Variants in SLC49A3 observed in about 807,000 individuals in gnomAD.
SLC49A3 encodes solute carrier family 49 member A3.
Under a neutral mutation model 43.8 loss-of-function variants are expected in SLC49A3, and 50 were observed. The observed-to-expected ratio is 1.14, with a 90% CI of 0.91 to 1.45. The LOEUF (loss-of-function observed/expected upper bound fraction) is 1.45, where lower values mean the gene tolerates loss of function less well. Ranked by LOEUF, SLC49A3 falls within the 40% of genes most tolerant of loss-of-function variation. SLC49A3 has a pLI of 0.00. For missense variants in SLC49A3, 906 were observed against 774.1 expected, an observed-to-expected ratio of 1.17 and a Z score of -2.02; for synonymous variants, 413 against 352.0, an observed-to-expected ratio of 1.17 and a Z score of -1.94.
intron 1 of SLC49A3, 100 bp downstream of exon 1, chr4:688,893 C>T: frequency 4.8e-6 from 7 of 1,450,226 alleles, no homozygotes; most frequent in Non-Finnish European, 6.3e-6. Context: ...CGCCCCCAGC[C>T]AGCACCTGGC....
At chr4:690,215 A>ATTTT (rs34714607), upstream of SLC49A3, among the ~76,000 whole-genome samples, 1 of 144,712 alleles carries the variant, frequency 6.9e-6, no homozygotes, top group Non-Finnish European at 1.5e-5. Context: ...CCACTTTGGG[A>ATTTT]TTTTTTTTTT....
At chr4:681,640 GCCCCGCC>G (rs2109368822), downstream of SLC49A3, among the ~76,000 whole-genome samples, 1 of 9,004 alleles carries the variant, frequency 1.1e-4, no homozygotes, top group East Asian at 3.8e-3. Context: ...CTCCAGCGCC[GCCCCGCC>G]CCCTCCAGCG....
chr4:681,237 C>G (rs1275034994), downstream of SLC49A3: 1 of 1,442,722 alleles, frequency 6.9e-7, no homozygotes, highest in African/African-American at 1.4e-5. Flanking sequence ...GGAGCAGCGC[C>G]GCGGTTAGGA....
intron 6 of SLC49A3, 109 bp downstream of exon 6, chr4:684,374 G>A (rs1440258572): frequency 2.1e-6 from 3 of 1,461,866 alleles, no homozygotes; most frequent in African/African-American, 2.8e-5. Context: ...GGGTGTCAAT[G>A]TGGCCCCCGC....
intron 4 of SLC49A3, 137 bp from the exon 5 acceptor site, chr4:684,993 T>A: frequency 7.9e-7 from 1 of 1,266,900 alleles, no homozygotes; most frequent in African/African-American, 1.5e-5. Flanking sequence ...GGTCTGCAGC[T>A]GCCCTTTGCG....
chr4:677,990 G>A (rs368446750), downstream of SLC49A3: 18 of 1,613,358 alleles, frequency 1.1e-5, no homozygotes, highest in African/African-American at 1.2e-4. Flanking sequence ...AAGACCTGGG[G>A]CCCTGGGCAG....
rs1001479383 is a variant in SLC49A3 at position 686,035 on chromosome 4, C to G, written c.508+54G>C. Reference sequence around the variant, plus strand: ...CCAGAGAGCCTGGGGAGCCGAGCGTCTGTGTGGACCCTGAGGTGAGCCCAG... The same window carrying G: ...CCAGAGAGCCTGGGGAGCCGAGCGTGTGTGTGGACCCTGAGGTGAGCCCAG... On this transcript the variant is annotated intron_variant, in intron 3 of 9. Transcript: ENST00000322224. 3 of 1,608,430 alleles carry G rather than the reference C, an allele frequency of 1.9e-6. No individual in the cohort carries two copies. The Admixed American group carries it at 5.0e-5, about 27-fold the overall frequency.
intron 2 of SLC49A3, 23 bp from the exon 3 acceptor site, chr4:686,325 C>T (rs1226924008): frequency 3.7e-6 from 6 of 1,610,924 alleles, no homozygotes; most frequent in East Asian, 2.2e-5. Flanking sequence ...GGTCGGGGAC[C>T]GGGTCAGGAA....
intron 1 of SLC49A3, 130 bp from the exon 2 acceptor site, chr4:686,820 C>A: frequency 1.7e-6 from 2 of 1,195,490 alleles, no homozygotes; most frequent in South Asian, 3.0e-5. Flanking sequence ...GAGCTGGACA[C>A]GGGGCCTTCC....
intron 7 of SLC49A3, 42 bp downstream of exon 7, chr4:683,567 A>G: frequency 9.9e-7 from 1 of 1,006,728 alleles, no homozygotes; most frequent in Non-Finnish European, 1.4e-6. Flanking sequence ...CTCACCACCC[A>G]CCCACCCCCA....
At chr4:687,621 C>G (rs534333287) in intron 1 of SLC49A3, among the ~76,000 whole-genome samples, 1 of 152,366 alleles carries the variant, frequency 6.6e-6, no homozygotes, top group African/African-American at 2.4e-5. Context: ...GGGCCCACAG[C>G]TGACTCACTG....
At position 682,773 on chromosome 4, in the gene SLC49A3, A is replaced by C; in HGVS notation, c.1261+8T>G. The stretch of plus-strand genomic sequence containing the variant: ...CTGTTCCCTGGGGACTCCCCATGTG[A>C]GGCTCACCTGTCCAGTCAAGTGGAT... On this transcript the variant is annotated splice_region_variant and intron_variant, in intron 9 of 9. Coordinates refer to ENST00000322224, the MANE Select transcript of SLC49A3 (RefSeq NM_032219.4). The C allele has an allele frequency of 1.3e-6, 2 of 1,560,222 alleles. No homozygotes were observed. Among genetic ancestry groups the C allele is most frequent in the Middle Eastern group, 1.7e-4 (1 of 5,928 alleles).
chr4:683,460 A>G, intron 7 of SLC49A3, 93 bp from the exon 8 acceptor site: 1 of 1,509,242 alleles, frequency 6.6e-7, no homozygotes, highest in Non-Finnish European at 8.9e-7. Context: ...GGGCAGGAGA[A>G]CCCATCCCAC....
At chr4:678,534 G>A, downstream of SLC49A3, 1 of 1,462,826 alleles carries the variant, frequency 6.8e-7, no homozygotes, top group African/African-American at 1.4e-5. Context: ...CAGCTGTCTG[G>A]CCCCCTCCAG....
chr4:682,520 C>T, intron 9 of SLC49A3, 144 bp from the exon 10 acceptor site: 1 of 940,448 alleles, frequency 1.1e-6, no homozygotes, highest in Non-Finnish European at 1.4e-6. Context: ...TCTTGACAGC[C>T]CTGAGGGGGT....
downstream of SLC49A3, among the ~76,000 whole-genome samples, chr4:679,595 G>T (rs1336933481): frequency 6.6e-6 from 1 of 152,166 alleles, no homozygotes; most frequent in Admixed American, 6.5e-5. Flanking sequence ...TTCTCCTTGG[G>T]GTGGGAGGGT....
chr4:680,570 G>GA, downstream of SLC49A3: 1 of 1,613,410 alleles, frequency 6.2e-7, no homozygotes, highest in South Asian at 1.1e-5. Flanking sequence ...ACGGGAAAGG[G>GA]AAAATCAACA....
Position 686,111 on chromosome 4 carries a change from C to G in SLC49A3, c.486G>C (p.Thr162=), listed in dbSNP as rs769705152. The change falls in exon 3 of 10, where the codon ACG becomes ACC. Residue 162 remains threonine (T), a synonymous_variant. Coordinates refer to ENST00000322224, the MANE Select transcript of SLC49A3 (RefSeq NM_032219.4). ...CACACATGGTGGCGAGCATGTTGGC[C>G]GTGGCTCGCTGGTGCTCTGGGAACC... ...ALWFPEHQRA[T]ANMLATMSNP... is the part of the protein sequence containing the mutation. 8 of 1,612,938 alleles carry G rather than the reference C, an allele frequency of 5.0e-6. No individual in the cohort carries two copies. In the East Asian group the frequency reaches 1.1e-4, roughly 22 times the overall value.
chr4:678,216 G>A, downstream of SLC49A3: 1 of 1,505,150 alleles, frequency 6.6e-7, no homozygotes, highest in Non-Finnish European at 8.9e-7. Context: ...CCTTGCGGGT[G>A]TGGGCTGTGC....
Sources: allele counts gnomAD v4.1 joint callset (sites outside exome capture counted in the v4.1 genomes callset), GRCh38; gene constraint gnomAD v4.1.1; transcripts MANE v1.5; gene names NCBI Gene and HGNC (gene_info 2026-07-23, HGNC 2026-07-21).